The following TBX10 variants were observed in gnomAD, a reference collection of about 807,000 sequenced individuals.
TBX10 encodes T-box transcription factor TBX10.
In TBX10, 26 loss-of-function variants were observed where a neutral mutation model predicts 32.4. The observed-to-expected ratio is 0.80, with a 90% CI of 0.59 to 1.11. The LOEUF is 1.11. Among genes scored for constraint, TBX10 ranks in the 50% most tolerant of loss-of-function variants. The pLI is 0.00. For synonymous variants in TBX10, 195 were observed against 203.1 expected (o/e 0.96, Z 0.34); for missense variants, 490 against 494.5 (o/e 0.99, Z 0.09).
At chr11:67,634,795 G>T (rs1223623863) in intron 3 of TBX10, 21 bp downstream of exon 3, 1 of 1,611,020 alleles carries the variant, frequency 6.2e-7, no homozygotes, top group South Asian at 1.1e-5. Context: ...CTGAGCCTTT[G>T]CCCCAGGCCG....
intron 1 of TBX10, 83 bp from the exon 2 acceptor site, chr11:67,635,346 C>T (rs918924027): frequency 1.3e-6 from 2 of 1,585,480 alleles, no homozygotes; most frequent in Non-Finnish European, 1.7e-6. Flanking sequence ...ATGCCTCTTC[C>T]TCCAGGAAGC....
intron 1 of TBX10, 73 bp downstream of exon 1, chr11:67,639,393 T>TTCCCCCCCCCCCCCCCCCCCCCCC: frequency 9.6e-6 from 7 of 726,920 alleles, no homozygotes; most frequent in East Asian, 2.7e-5. Flanking sequence ...CTGTCTTGGT[T>TTCCCCCCCCCCCCCCCCCCCCCCC]CCCACCCTGC....
chr11:67,634,164 G>A (rs12787511), intron 4 of TBX10, 25 bp downstream of exon 4: 23 of 1,610,252 alleles, frequency 1.4e-5, no homozygotes, highest in South Asian at 8.8e-5. Flanking sequence ...AGGCCCTTCC[G>A]TCCCCACCGT....
chr11:67,634,345 G>C lies in TBX10; in HGVS notation c.393C>G (p.Ser131Arg). ...CCTTGCCCGCCACCAGCCAGGCCGA[G>C]CTGTGGAAGGCATACCTGGGGAGCA... ...DDKRYRYAFH[S>R]SAWLVAGKAD... Residue 131 changes from serine (S) to arginine (R), a missense_variant, in exon 4 of 8, where the codon AGC becomes AGG. Physicochemically the swap from Ser to Arg is moderately radical, Grantham distance 110 (BLOSUM62 -1). Around this residue, in one of 3 missense-constraint regions of TBX10, gnomAD observed 307 missense variants for 294.9 expected, o/e 1.04. Coordinates refer to ENST00000335385, the MANE Select transcript of TBX10 (RefSeq NM_005995.5). 1 of 1,603,888 alleles carries C rather than the reference G, an allele frequency of 6.2e-7. No individual in the cohort carries two copies. Among genetic ancestry groups the C allele is most frequent in the Non-Finnish European group, 8.5e-7 (1 of 1,179,820 alleles).
rs60139069 is a variant in TBX10 at position 67,636,073 on chromosome 11, C to CTT, written c.8-812_8-811dup. Reference sequence around the variant, plus strand: ...TAAGGAGATGGAAAAATTAGAACTCCTTTTTTTTTTTTTTTTTTTTTTTGA... The same window carrying CTT: ...TAAGGAGATGGAAAAATTAGAACTCCTTTTTTTTTTTTTTTTTTTTTTTTTGA... On this transcript the variant is annotated intron_variant, in intron 1 of 7. Transcript: ENST00000335385. 2.0e-3 allele frequency among the ~76,000 whole-genome samples: 196 copies of CTT among 97,964 alleles called. 2 individuals are homozygous for CTT. Among genetic ancestry groups the CTT allele is most frequent in the East Asian group, 4.5e-3 (14 of 3,094 alleles). 64.3% of individuals were successfully genotyped at this position (97,964 alleles called of 152,430 possible).
chr11:67,631,733 G>A lies in TBX10; in HGVS notation c.1030C>T (p.Arg344Ter), dbSNP rs762746844. Reference protein sequence around the residue: ...APSHLGIPRTRPAPYPLPNIR... With the variant: ...APSHLGIPRT ...TTGGGGAGGGGGTATGGTGCTGGTC[G>A]GGTCCTTGGGATCCCTAGGTGGCTC... The change falls in exon 8 of 8, where the codon CGA becomes TGA. Residue 344 changes from arginine (R) to a stop codon, truncating the protein, a stop_gained. Transcript: ENST00000335385. LOFTEE classifies it low-confidence loss of function (END_TRUNC). 3.7e-6 allele frequency: 6 copies of A among 1,610,284 alleles called. No individual in the cohort carries two copies. The highest frequency in any genetic ancestry group is 5.1e-6 in the Non-Finnish European group (6 of 1,178,718).
At chr11:67,633,977 A>T (rs1591124027) in intron 4 of TBX10, among the ~76,000 whole-genome samples, 1 of 152,042 alleles carries the variant, frequency 6.6e-6, no homozygotes, top group Non-Finnish European at 1.5e-5. Context: ...GTATGCTGGA[A>T]CATTCCCCCG....
intron 1 of TBX10, among the ~76,000 whole-genome samples, chr11:67,636,290 C>T (rs917050931): frequency 6.6e-6 from 1 of 150,434 alleles, no homozygotes; most frequent in Non-Finnish European, 1.5e-5. Context: ...CCTATGTTGC[C>T]CAGGCTGGTC....
rs748952707 is a variant in TBX10, at chr11:67,634,901, AG to A, written c.291del (p.Phe98SerfsTer3). On this transcript the variant is annotated frameshift_variant, in exon 3 of 8. Transcript: ENST00000335385. LOFTEE classifies it high-confidence loss of function. ...VTKAGRRMFPPFQVKILGMDS... is the reference protein window; with the variant it reads ...VTKAGRRMFPXFQVKILGMDS... Reference sequence around the variant, plus strand: ...TCCATGCCCAGGATCTTCACCTGGAAGGGGGGGAACATCCTCCTGCGGGAGG... The same window carrying A: ...TCCATGCCCAGGATCTTCACCTGGAAGGGGGGAACATCCTCCTGCGGGAGG... 15 of 1,613,210 alleles carry A rather than the reference AG, an allele frequency of 9.3e-6. No individual in the cohort carries two copies. The highest frequency in any genetic ancestry group is 1.7e-4 in the Middle Eastern group (1 of 6,060).
In TBX10 at chr11:67,631,887, G is replaced by A; in HGVS notation, c.876C>T (p.Asn292=). The A allele has an allele frequency of 3.8e-6, 6 of 1,568,138 alleles. No individual in the cohort carries two copies. The highest frequency in any genetic ancestry group is 1.2e-5 in the South Asian group (1 of 85,382). The change falls in exon 8 of 8, where the codon AAC becomes AAT. Residue 292 remains asparagine (N), a synonymous_variant. Coordinates refer to ENST00000335385, the MANE Select transcript of TBX10 (RefSeq NM_005995.5). ...KGATDREKDP[N]KASASTSKTP... is the part of the protein sequence containing the mutation. ...TCTTGGAGGTGGAAGCTGAAGCTTT[G>A]TTGGGGTCTGAGGGAGGAAATGAGT... is the stretch of plus-strand genomic sequence containing the variant.
At chr11:67,632,461 A>C (rs776416577) in intron 6 of TBX10, 49 bp from the exon 7 acceptor site, 16 of 1,598,200 alleles carry the variant, frequency 1.0e-5, no homozygotes, top group Non-Finnish European at 1.3e-5. Flanking sequence ...GGAAGAACCC[A>C]GGCCAGGGAT....
At chr11:67,631,950 C>T in intron 7 of TBX10, 56 bp from the exon 8 acceptor site, 1 of 1,550,224 alleles carries the variant, frequency 6.5e-7, no homozygotes, top group Non-Finnish European at 8.7e-7. Context: ...ATCCCTCATC[C>T]CAGGCCTGCC....
chr11:67,631,925 T>C, intron 7 of TBX10, 31 bp from the exon 8 acceptor site: 1 of 1,554,546 alleles, frequency 6.4e-7, no homozygotes, highest in Non-Finnish European at 8.7e-7. Flanking sequence ...ACTCTGGGCC[T>C]CCCATCGCAT....
chr11:67,631,869 G>C lies in TBX10; in HGVS notation c.894C>G (p.Thr298=), dbSNP rs765281303. The C allele has an allele frequency of 6.3e-7, 1 of 1,575,044 alleles. No homozygotes were observed. The highest frequency in any genetic ancestry group is 1.2e-5 in the South Asian group (1 of 85,844). The change falls in exon 8 of 8, where the codon ACC becomes ACG. Residue 298 remains threonine, a synonymous_variant. Transcript: ENST00000335385. ...EKDPNKASAS[T]SKTPAWLHHQ... ...GATGGAGCCAAGCAGGGGTCTTGGA[G>C]GTGGAAGCTGAAGCTTTGTTGGGGT...
At chr11:67,633,465 C>G (rs1855272358) in intron 4 of TBX10, among the ~76,000 whole-genome samples, 1 of 152,124 alleles carries the variant, frequency 6.6e-6, no homozygotes, top group Non-Finnish European at 1.5e-5. Flanking sequence ...ATCATATGCC[C>G]CCTGCTCCTA....
At chr11:67,633,188 G>C in intron 4 of TBX10, 85 bp from the exon 5 acceptor site, 1 of 1,529,900 alleles carries the variant, frequency 6.5e-7, no homozygotes, top group South Asian at 1.2e-5. Flanking sequence ...TCCAAGCCGG[G>C]AGACTGCCCT....
chr11:67,634,754 G>A (rs1054280965), intron 3 of TBX10, 62 bp downstream of exon 3: 47 of 1,533,266 alleles, frequency 3.1e-5, no homozygotes, highest in Middle Eastern at 3.6e-4. Flanking sequence ...GGTGCAGGAA[G>A]GGTCTAATTC....
intron 4 of TBX10, 149 bp downstream of exon 4, chr11:67,634,040 C>T (rs1449060181): frequency 9.2e-7 from 1 of 1,090,572 alleles, no homozygotes; most frequent in Non-Finnish European, 1.4e-6. Flanking sequence ...GTGCCACCCC[C>T]AGCCAGGTGA....
At position 67,639,476 on chromosome 11, in the gene TBX10, G is replaced by A. The variant is rs2134103211; in HGVS notation, c.-4C>T. On this transcript the variant is annotated 5_prime_UTR_variant, in exon 1 of 8. Coordinates refer to ENST00000335385, the MANE Select transcript of TBX10 (RefSeq NM_005995.5). The stretch of plus-strand genomic sequence containing the variant: ...CAGAACGTAGCCTACCTGCCATGGA[G>A]ACAGAGAGGCTGTCCGGCTCCTGGA... 3 of 1,607,528 alleles carry A rather than the reference G, an allele frequency of 1.9e-6. No homozygotes were observed. The highest frequency in any genetic ancestry group is 2.2e-5 in the South Asian group (2 of 90,966).
Sources: gnomAD v4.1 joint callset for allele counts (sites outside exome capture counted in the v4.1 genomes callset) on GRCh38, gnomAD v4.1.1 for gene constraint, gnomAD v4.1.1 regional missense constraint, MANE v1.5 for transcripts, NCBI Gene and HGNC (gene_info 2026-07-23, HGNC 2026-07-21) for gene names.